Variants in FAM171A1 observed in about 807,000 individuals in gnomAD.
FAM171A1 encodes the protein family with sequence similarity 171 member A1, also known as protein FAM171A1.
Under a neutral mutation model 74.9 loss-of-function variants are expected in FAM171A1, and 23 were observed. The observed-to-expected ratio is 0.31, with a 90% CI of 0.22 to 0.44. FAM171A1 has a LOEUF of 0.44. Among genes scored for constraint, FAM171A1 ranks in the 20% least tolerant of loss-of-function variants. The probability of loss-of-function intolerance (pLI) is 1.00; values close to 1 mark genes in which losing one functional copy is unlikely to be tolerated. For missense variants in FAM171A1, 1,162 were observed against 1,159.2 expected, an observed-to-expected ratio of 1.00 and a Z score of -0.03; for synonymous variants, 527 against 505.7, an observed-to-expected ratio of 1.04 and a Z score of -0.57.
At chr10:15,283,232 T>A (rs1834992754) in intron 2 of FAM171A1, among the ~76,000 whole-genome samples, 1 of 152,122 alleles carries the variant, frequency 6.6e-6, no homozygotes. Flanking sequence ...GATACCCACC[T>A]CCACAGCTTG....
chr10:15,367,692 C>G (rs1836082414), intron 1 of FAM171A1, among the ~76,000 whole-genome samples: 2 of 152,200 alleles, frequency 1.3e-5, no homozygotes, highest in African/African-American at 4.8e-5. Flanking sequence ...CAAAGCCAAT[C>G]ATTGTCTTCA....
intron 5 of FAM171A1, among the ~76,000 whole-genome samples, chr10:15,238,298 G>A (rs546323742): frequency 6.6e-5 from 10 of 152,166 alleles, no homozygotes; most frequent in South Asian, 4.2e-4. Flanking sequence ...ATTTAGGTTC[G>A]CGGCAAAACT....
At chr10:15,368,930 C>A (rs72777919) in intron 1 of FAM171A1, among the ~76,000 whole-genome samples, 13,221 of 152,130 alleles carry the variant, frequency 0.087, 683 homozygotes, top group Admixed American at 0.15. Flanking sequence ...GGTAGTGAGA[C>A]CTGATTTCTG....
chr10:15,246,064 C>G (rs1460107292), intron 5 of FAM171A1, among the ~76,000 whole-genome samples: 1 of 152,210 alleles, frequency 6.6e-6, no homozygotes, highest in Non-Finnish European at 1.5e-5. Flanking sequence ...CAGGTCCCCA[C>G]CATGACCTTG....
At chr10:15,242,193 C>A (rs1295344332) in intron 5 of FAM171A1, among the ~76,000 whole-genome samples, 1 of 152,058 alleles carries the variant, frequency 6.6e-6, no homozygotes. Flanking sequence ...TTTTCCTGAT[C>A]TAATACCGTC....
intron 4 of FAM171A1, among the ~76,000 whole-genome samples, chr10:15,252,989 A>G (rs1834529163): frequency 6.6e-6 from 1 of 151,940 alleles, no homozygotes; most frequent in South Asian, 2.1e-4. Flanking sequence ...GCTGGCTATG[A>G]TATTTTAAAA....
intron 5 of FAM171A1, among the ~76,000 whole-genome samples, chr10:15,229,920 A>ATC (rs1834181691): frequency 3.4e-5 from 3 of 88,574 alleles, no homozygotes; most frequent in African/African-American, 1.4e-4. Flanking sequence ...CACCATCACC[A>ATC]ACATCATCAT....
chr10:15,299,445 G>A (rs7080875), intron 1 of FAM171A1, among the ~76,000 whole-genome samples: 105,468 of 152,026 alleles, frequency 0.69, 36,828 homozygotes, highest in East Asian at 0.92. Flanking sequence ...GTGTTTCCAG[G>A]TCTGTCTTTA....
chr10:15,288,469 ATAAAT>A (rs1299240237), intron 1 of FAM171A1, among the ~76,000 whole-genome samples: 1 of 152,232 alleles, frequency 6.6e-6, no homozygotes, highest in Non-Finnish European at 1.5e-5. Context: ...AAATTATAAC[ATAAAT>A]TAACTCATGG....
intron 3 of FAM171A1, among the ~76,000 whole-genome samples, chr10:15,260,758 G>T (rs1268615834): frequency 1.3e-5 from 2 of 152,258 alleles, no homozygotes; most frequent in African/African-American, 2.4e-5. Context: ...GGGCCAGGTA[G>T]TTCTTTGTTT....
At chr10:15,283,462 C>T (rs947461965) in intron 2 of FAM171A1, among the ~76,000 whole-genome samples, 4 of 152,200 alleles carry the variant, frequency 2.6e-5, no homozygotes, top group African/African-American at 9.7e-5. Flanking sequence ...TGGCCTCAAG[C>T]TTTGCTAAAT....
intron 1 of FAM171A1, among the ~76,000 whole-genome samples, chr10:15,318,385 T>C (rs753971470): frequency 1.3e-5 from 2 of 152,212 alleles, no homozygotes; most frequent in Non-Finnish European, 2.9e-5. Context: ...GTCCCAGTGC[T>C]GCACCAAGAA....
At chr10:15,332,087 G>A (rs1835645999) in intron 1 of FAM171A1, among the ~76,000 whole-genome samples, 1 of 151,308 alleles carries the variant, frequency 6.6e-6, no homozygotes, top group South Asian at 2.1e-4. Flanking sequence ...GTAGTAGCTG[G>A]GATTACAGGT....
At chr10:15,352,568 A>G (rs1835892040) in intron 1 of FAM171A1, among the ~76,000 whole-genome samples, 1 of 152,270 alleles carries the variant, frequency 6.6e-6, no homozygotes, top group Admixed American at 6.5e-5. Flanking sequence ...CAAGACGCAG[A>G]AAGAAACATT....
At position 15,301,690 on chromosome 10, in the gene FAM171A1, G is replaced by A. The variant is rs117338450; in HGVS notation, c.98-17585C>T. 6.0e-3 allele frequency among the ~76,000 whole-genome samples: 908 copies of A among 152,260 alleles called. 6 individuals are homozygous for A. Among genetic ancestry groups the A allele is most frequent in the Non-Finnish European group, 9.0e-3 (614 of 68,010 alleles). ...CTGGCCCTCTTTGCATTGCCCTGTG[G>A]GAAATGGGGTTCAGGGAACTGGAGC... is the stretch of plus-strand genomic sequence containing the variant. On this transcript the variant is annotated intron_variant, in intron 1 of 7. Coordinates refer to ENST00000378116, the MANE Select transcript of FAM171A1 (RefSeq NM_001010924.2).
chr10:15,225,184 G>A (rs1379516639), intron 5 of FAM171A1, among the ~76,000 whole-genome samples: 1 of 152,188 alleles, frequency 6.6e-6, no homozygotes, highest in African/African-American at 2.4e-5. Flanking sequence ...CGTTCCTTTT[G>A]TTTTCTTCTC....
At chr10:15,342,049 T>C (rs1038037674) in intron 1 of FAM171A1, among the ~76,000 whole-genome samples, 1 of 152,198 alleles carries the variant, frequency 6.6e-6, no homozygotes, top group African/African-American at 2.4e-5. Context: ...AATCCACATC[T>C]TTAACTAGCA....
chr10:15,360,036 G>A (rs1230419442), intron 1 of FAM171A1, among the ~76,000 whole-genome samples: 1 of 152,178 alleles, frequency 6.6e-6, no homozygotes, highest in African/African-American at 2.4e-5. Flanking sequence ...CCAGGCTCAA[G>A]CGATCCTTCC....
intron 3 of FAM171A1, among the ~76,000 whole-genome samples, chr10:15,268,808 G>A (rs1164530590): frequency 1.2e-4 from 19 of 152,198 alleles, no homozygotes; most frequent in African/African-American, 2.2e-4. Context: ...TTGGGAGGCC[G>A]AGGTGGATGC....
Sources: gnomAD v4.1 joint callset for allele counts (sites outside exome capture counted in the v4.1 genomes callset) on GRCh38, gnomAD v4.1.1 for gene constraint, MANE v1.5 for transcripts, NCBI Gene and HGNC (gene_info 2026-07-23, HGNC 2026-07-21) for gene names.